LPP: variants seen among roughly 807,000 people sequenced by gnomAD.
The protein encoded by LPP is lipoma-preferred partner.
In LPP, 38 loss-of-function variants were observed where a neutral mutation model predicts 60.4. The ratio of observed to expected loss-of-function variants is 0.63; its 90% CI spans 0.49 to 0.83. The LOEUF (loss-of-function observed/expected upper bound fraction) is 0.83, where lower values mean the gene tolerates loss of function less well. LPP is among the 40% of genes least tolerant of loss of function. The pLI is 0.00. For missense variants in LPP, 902 were observed against 783.6 expected, an observed-to-expected ratio of 1.15 and a Z score of -1.80; for synonymous variants, 328 against 290.8, an observed-to-expected ratio of 1.13 and a Z score of -1.30.
At chr3:188,203,533 ATTTAAATATATATATATT>A (rs1405888261) in intron 1 of LPP, among the ~76,000 whole-genome samples, 2 of 91,162 alleles carry the variant, frequency 2.2e-5, no homozygotes, top group Non-Finnish European at 3.8e-5. Flanking sequence ...ATAAATATAT[ATTTAAATATATATATATT>A]TTTAAATATA....
At chr3:188,681,744 A>G (rs73056802) in intron 7 of LPP, among the ~76,000 whole-genome samples, 3,262 of 152,318 alleles carry the variant, frequency 0.021, 123 homozygotes, top group African/African-American at 0.075. Context: ...ATGTTAAATA[A>G]TACTTTGACT....
In LPP at chr3:188,368,300, C is replaced by CT. The variant is rs150764290; in HGVS notation, c.-10+26588dup. ...ATGGGTGATTTTAAACTGTGGCATACTTTTTTTGCATTCAAAACCAGGGCT... is the reference window on the plus strand; with the variant it reads ...ATGGGTGATTTTAAACTGTGGCATACTTTTTTTTGCATTCAAAACCAGGGCT... On this transcript the variant is annotated intron_variant, in intron 3 of 11. Coordinates refer to ENST00000617246, the MANE Select transcript of LPP (RefSeq NM_001375462.1). Among the ~76,000 whole-genome samples the CT allele has an allele frequency of 2.3e-3, 348 of 152,160 alleles. 5 individuals carry two copies. The highest frequency in any genetic ancestry group is 6.5e-4 in the Non-Finnish European group (44 of 68,002).
chr3:188,810,090 T>C (rs1560235144), intron 9 of LPP, among the ~76,000 whole-genome samples: 1 of 152,186 alleles, frequency 6.6e-6, no homozygotes, highest in South Asian at 2.1e-4. Context: ...TGCTGAGATC[T>C]GAGGAAAAGA....
At chr3:188,261,841 C>G (rs1003927829) in intron 2 of LPP, among the ~76,000 whole-genome samples, 1 of 152,096 alleles carries the variant, frequency 6.6e-6, no homozygotes, top group Non-Finnish European at 1.5e-5. Flanking sequence ...CGCTTGAACC[C>G]AGGAGTTTAA....
intron 5 of LPP, among the ~76,000 whole-genome samples, chr3:188,494,827 C>T (rs889705947): frequency 6.6e-6 from 1 of 151,760 alleles, no homozygotes; most frequent in Admixed American, 6.6e-5. Context: ...CCACTTAAAT[C>T]CTCTGTAAAA....
chr3:188,825,084 A>G (rs998347863), intron 9 of LPP, among the ~76,000 whole-genome samples: 4 of 152,164 alleles, frequency 2.6e-5, no homozygotes, highest in Middle Eastern at 3.2e-3. Flanking sequence ...GCAATGTCTG[A>G]GTTTGAAAGT....
Position 188,832,965 on chromosome 3 carries a change from G to T in LPP, c.1411-33235G>T, listed in dbSNP as rs974218444. On this transcript the variant is annotated intron_variant, in intron 9 of 11. Coordinates refer to ENST00000617246, the MANE Select transcript of LPP (RefSeq NM_001375462.1). Reference sequence around the variant, plus strand: ...TCTGGCAAGTCGATAACACTGGATCGTTTGCTCCCAGCTTTACCACTTGGC... The same window carrying T: ...TCTGGCAAGTCGATAACACTGGATCTTTTGCTCCCAGCTTTACCACTTGGC... 5.9e-5 allele frequency among the ~76,000 whole-genome samples: 9 copies of T among 152,150 alleles called. No homozygotes were observed. In the South Asian group the frequency reaches 6.2e-4, roughly 11 times the overall value.
intron 7 of LPP, among the ~76,000 whole-genome samples, chr3:188,660,342 T>A (rs1416989823): frequency 6.6e-6 from 1 of 152,218 alleles, no homozygotes; most frequent in African/African-American, 2.4e-5. Flanking sequence ...CAGAAGGTGC[T>A]TCAACCTATC....
intron 6 of LPP, among the ~76,000 whole-genome samples, chr3:188,527,470 T>C (rs1820959781): frequency 2.6e-5 from 4 of 152,208 alleles, no homozygotes; most frequent in African/African-American, 9.6e-5. Context: ...ATGGGATTAT[T>C]TGAAGGTTCT....
chr3:188,876,402 AC>A lies in LPP; in HGVS notation c.*1925del. The A allele has an allele frequency of 5.2e-6, 1 of 192,950 alleles. No homozygotes were observed. The highest frequency in any genetic ancestry group is 8.2e-5 in the East Asian group (1 of 12,152). The allele number at this position is 192,950 out of a possible 1,614,324, so 12.0% of individuals were successfully genotyped here. A position where few individuals can be genotyped will look rare whatever the true frequency, so the allele number is the denominator to read the frequency against. The stretch of plus-strand genomic sequence containing the variant: ...TTATAGCTTTTAAGAGCTTCCTTTG[AC>A]CACTGTCTTTTTCTTACCCTAGTTC... On this transcript the variant is annotated 3_prime_UTR_variant, in exon 12 of 12. Transcript: ENST00000617246.
At chr3:188,284,729 G>C (rs1743322114) in intron 2 of LPP, among the ~76,000 whole-genome samples, 1 of 152,154 alleles carries the variant, frequency 6.6e-6, no homozygotes, top group African/African-American at 2.4e-5. Context: ...GCTTTCATTT[G>C]ATTACGGTGC....
chr3:188,186,795 G>GTC (rs3056778), intron 1 of LPP, among the ~76,000 whole-genome samples: 29,485 of 151,638 alleles, frequency 0.19, 3,882 homozygotes, highest in East Asian at 0.63. Flanking sequence ...ATATGCTTCT[G>GTC]TCTCATGCTT....
At chr3:188,818,890 C>T (rs1257827867) in intron 9 of LPP, among the ~76,000 whole-genome samples, 1 of 152,088 alleles carries the variant, frequency 6.6e-6, no homozygotes, top group Non-Finnish European at 1.5e-5. Flanking sequence ...GATCTGGTTT[C>T]CACTTAACTT....
At position 188,190,324 on chromosome 3, in the gene LPP, G is replaced by T. The variant is rs534882982; in HGVS notation, c.-189-35081G>T. 9.2e-5 allele frequency among the ~76,000 whole-genome samples: 14 copies of T among 152,274 alleles called. 1 individual carries two copies. The highest frequency in any genetic ancestry group is 2.9e-4 in the African/African-American group (12 of 41,560). The stretch of plus-strand genomic sequence containing the variant: ...TCCGCCCGCCTCGGCCTCCCAAAGT[G>T]CTGGGATTACAGGCCTGAGCCACCG... On this transcript the variant is annotated intron_variant, in intron 1 of 11. Transcript: ENST00000617246.
At chr3:188,491,843 C>T (rs959232469) in intron 5 of LPP, among the ~76,000 whole-genome samples, 2 of 152,130 alleles carry the variant, frequency 1.3e-5, no homozygotes, top group Non-Finnish European at 2.9e-5. Context: ...ACCTAGAGTC[C>T]AGGGGAGTAT....
chr3:188,187,805 T>C (rs918365395), intron 1 of LPP, among the ~76,000 whole-genome samples: 1 of 152,142 alleles, frequency 6.6e-6, no homozygotes, highest in Non-Finnish European at 1.5e-5. Flanking sequence ...CTGAGTAATG[T>C]CATTATCTGT....
intron 3 of LPP, among the ~76,000 whole-genome samples, chr3:188,379,719 T>C (rs549803639): frequency 2.6e-5 from 4 of 152,366 alleles, no homozygotes; most frequent in Admixed American, 2.6e-4. Context: ...TGTTACTTTG[T>C]TTCTTTCAGT....
At chr3:188,517,852 G>A (rs1378994688) in intron 5 of LPP, among the ~76,000 whole-genome samples, 1 of 152,074 alleles carries the variant, frequency 6.6e-6, no homozygotes, top group Non-Finnish European at 1.5e-5. Flanking sequence ...GATGAGATTT[G>A]GATAGGGACA....
intron 9 of LPP, among the ~76,000 whole-genome samples, chr3:188,848,208 G>T (rs988827360): frequency 2.0e-5 from 3 of 152,180 alleles, no homozygotes; most frequent in African/African-American, 7.2e-5. Context: ...ATTGTGGGGT[G>T]ATACAGGCAG....
Sources: gnomAD v4.1 joint callset for allele counts (sites outside exome capture counted in the v4.1 genomes callset) on GRCh38, gnomAD v4.1.1 for gene constraint, MANE v1.5 for transcripts, NCBI Gene and HGNC (gene_info 2026-07-23, HGNC 2026-07-21) for gene names.